Variants in SRFBP1 observed in about 807,000 individuals in gnomAD.
SRFBP1 encodes serum response factor-binding protein 1.
Under a neutral mutation model 45.5 loss-of-function variants are expected in SRFBP1, and 47 were observed. The ratio of observed to expected loss-of-function variants is 1.03; its 90% CI spans 0.82 to 1.32. The LOEUF (loss-of-function observed/expected upper bound fraction) is 1.32, where lower values mean the gene tolerates loss of function less well. Ranked by LOEUF, SRFBP1 falls within the 40% of genes most tolerant of loss-of-function variation. SRFBP1 has a pLI of 0.00. For missense variants in SRFBP1, 621 were observed against 484.6 expected (o/e 1.28, Z -2.64); for synonymous variants, 203 against 166.3 (o/e 1.22, Z -1.70).
At chr5:121,993,936 A>G (rs893029311) in intron 3 of SRFBP1, among the ~76,000 whole-genome samples, 13 of 151,890 alleles carry the variant, frequency 8.6e-5, no homozygotes, top group Non-Finnish European at 1.0e-4. Flanking sequence ...GATTGTTGCT[A>G]ATAATATTTT....
chr5:122,021,175 C>A (rs1753311626), intron 6 of SRFBP1, among the ~76,000 whole-genome samples: 1 of 152,078 alleles, frequency 6.6e-6, no homozygotes, highest in African/African-American at 2.4e-5. Context: ...TCTTGATGAT[C>A]CAGGACCATT....
chr5:121,995,825 G>A (rs1319111451), intron 4 of SRFBP1, among the ~76,000 whole-genome samples: 3 of 151,592 alleles, frequency 2.0e-5, no homozygotes, highest in Non-Finnish European at 4.4e-5. Context: ...AAATGATAAA[G>A]GGGATATCAC....
intron 3 of SRFBP1, among the ~76,000 whole-genome samples, chr5:121,986,053 G>A (rs1752511695): frequency 6.6e-6 from 1 of 151,874 alleles, no homozygotes; most frequent in Admixed American, 6.6e-5. Context: ...AATCAGTGAG[G>A]TATTATTAGA....
intron 7 of SRFBP1, among the ~76,000 whole-genome samples, chr5:122,025,234 G>T (rs1753454853): frequency 6.6e-6 from 1 of 151,908 alleles, no homozygotes; most frequent in Admixed American, 6.6e-5. Context: ...TCCTTGCGAT[G>T]GTTTGCTGAG....
chr5:122,013,307 G>C (rs1207437556), intron 4 of SRFBP1, among the ~76,000 whole-genome samples: 1 of 151,998 alleles, frequency 6.6e-6, no homozygotes, highest in Non-Finnish European at 1.5e-5. Context: ...GTATTGGGTA[G>C]GCAACTTTAT....
At chr5:121,973,337 T>C (rs575355849) in intron 1 of SRFBP1, among the ~76,000 whole-genome samples, 1 of 151,936 alleles carries the variant, frequency 6.6e-6, no homozygotes, top group African/African-American at 2.4e-5. Context: ...CTGGAATGAC[T>C]ATATCTGAAC....
At chr5:122,035,995 C>T (rs1020426787) in intron 2 of SRFBP1, among the ~76,000 whole-genome samples, 3 of 152,164 alleles carry the variant, frequency 2.0e-5, no homozygotes, top group Non-Finnish European at 1.5e-5. Context: ...ATCAAACAAA[C>T]GATGGTCCTT....
chr5:121,981,044 A>G (rs949122230), intron 3 of SRFBP1, among the ~76,000 whole-genome samples: 4 of 152,068 alleles, frequency 2.6e-5, no homozygotes, highest in Admixed American at 6.6e-5. Context: ...CCTCCAAGTA[A>G]GCTTGGTGGA....
intron 4 of SRFBP1, among the ~76,000 whole-genome samples, chr5:122,006,286 A>G (rs887629186): frequency 1.3e-5 from 2 of 151,968 alleles, no homozygotes; most frequent in Non-Finnish European, 1.5e-5. Flanking sequence ...ACTCTCTTAC[A>G]TGTTATTTGC....
rs149959019 is a variant in SRFBP1 at position 122,007,937 on chromosome 5, G to T, written c.271-11323G>T. On this transcript the variant is annotated intron_variant, in intron 4 of 7. Transcript: ENST00000339397. ...CAGGGCCTGGCCTGGTGCTTGGGTG[G>T]GCTTGAAGCCTAGAGTTGTAAGAAC... 1.1e-3 allele frequency among the ~76,000 whole-genome samples: 170 copies of T among 152,104 alleles called. 5 individuals carry two copies. In the East Asian group the frequency reaches 0.032, roughly 29 times the overall value.
At chr5:121,982,190 G>A (rs1171122743) in intron 3 of SRFBP1, among the ~76,000 whole-genome samples, 1 of 151,902 alleles carries the variant, frequency 6.6e-6, no homozygotes, top group East Asian at 1.9e-4. Context: ...GTTTTAAAAG[G>A]TAGAACTTTT....
At chr5:122,032,304 T>G (rs536472727), downstream of SRFBP1, among the ~76,000 whole-genome samples, 2 of 151,712 alleles carry the variant, frequency 1.3e-5, no homozygotes, top group Admixed American at 1.3e-4. Flanking sequence ...ACGGCAACAC[T>G]GTTCGTGAAG....
downstream of SRFBP1, chr5:122,077,045 C>T (rs1303993693): frequency 1.9e-6 from 3 of 1,605,000 alleles, no homozygotes; most frequent in Non-Finnish European, 2.5e-6. This position sits in a 1 kb window ranked among gnomAD's most constrained non-coding sequence, Gnocchi z 4.9. Flanking sequence ...AACAACCCGG[C>T]GCCCCCCGCT....
At chr5:122,053,527 G>T (rs374797425) in intron 2 of SRFBP1, among the ~76,000 whole-genome samples, 15 of 152,180 alleles carry the variant, frequency 9.9e-5, no homozygotes, top group African/African-American at 2.4e-4. Flanking sequence ...TTGCCTACCT[G>T]GCTATCAGTG....
chr5:122,075,612 C>T (rs927756632), downstream of SRFBP1: 5 of 1,042,854 alleles, frequency 4.8e-6, no homozygotes, highest in African/African-American at 1.6e-5. Context: ...ACAAATAAAA[C>T]ATCCATTATA....
chr5:122,001,436 C>T lies in SRFBP1; in HGVS notation c.270+6766C>T, dbSNP rs142918250. The stretch of plus-strand genomic sequence containing the variant: ...TTTTTTATTTTTATTTTTCTCAGAA[C>T]CTTTTGTTACAAATTTTACTCCACA... On this transcript the variant is annotated intron_variant, in intron 4 of 7. Transcript: ENST00000339397. Among the ~76,000 whole-genome samples the T allele has an allele frequency of 5.0e-3, 723 of 145,698 alleles. 12 individuals carry two copies. Among genetic ancestry groups the T allele is most frequent in the African/African-American group, 0.017 (693 of 39,782 alleles).
At position 122,074,112 on chromosome 5, in the gene SRFBP1, C is replaced by T. The variant is rs747602660; in HGVS notation, n.312-1203C>T. The T allele has an allele frequency of 2.5e-6, 4 of 1,613,984 alleles. No homozygotes were observed. Among genetic ancestry groups the T allele is most frequent in the African/African-American group, 2.7e-5 (2 of 74,930 alleles). On this transcript the variant is annotated intron_variant and non_coding_transcript_variant, in intron 2 of 2. Coordinates refer to the SRFBP1 transcript ENST00000504881. ...CTTTGTGGCCTTCAGCCACTCTCCT[C>T]TGGGTGTTGGCATCAAGCAGGTCAT...
At chr5:122,035,485 C>G (rs529192894) in intron 2 of SRFBP1, among the ~76,000 whole-genome samples, 1 of 152,272 alleles carries the variant, frequency 6.6e-6, no homozygotes, top group Non-Finnish European at 1.5e-5. Context: ...CACAAGTGAG[C>G]CAGTGCTCTT....
intron 4 of SRFBP1, among the ~76,000 whole-genome samples, chr5:122,001,654 C>T (rs894745137): frequency 6.0e-5 from 9 of 150,264 alleles, no homozygotes; most frequent in East Asian, 2.0e-4. Context: ...CTCCGCTTCC[C>T]GGGTTCACGC....
Sources: allele counts gnomAD v4.1 joint callset (sites outside exome capture counted in the v4.1 genomes callset), GRCh38; gene constraint gnomAD v4.1.1; non-coding constraint Gnocchi (gnomAD v3.1); transcripts MANE v1.5; gene names NCBI Gene and HGNC (gene_info 2026-07-23, HGNC 2026-07-21).